OSBPL10: variants seen among roughly 807,000 people sequenced by gnomAD.
OSBPL10 encodes oxysterol-binding protein-related protein 10.
In OSBPL10, 49 loss-of-function variants were observed where a neutral mutation model predicts 81.7. That is an observed-to-expected ratio of 0.60 (90% confidence interval 0.48 to 0.76). OSBPL10 has a LOEUF of 0.76. Ranked by LOEUF, OSBPL10 falls within the 30% of genes least tolerant of loss-of-function variation. The pLI is 0.00. For missense variants in OSBPL10, 923 were observed against 987.8 expected, an observed-to-expected ratio of 0.93 and a Z score of 0.88; for synonymous variants, 419 against 383.6, an observed-to-expected ratio of 1.09 and a Z score of -1.08.
chr3:31,845,596 C>A (rs886291022), intron 3 of OSBPL10, among the ~76,000 whole-genome samples: 9 of 152,152 alleles, frequency 5.9e-5, no homozygotes, highest in Non-Finnish European at 1.2e-4. Flanking sequence ...GTTTATTACA[C>A]ACAGAGCAGA....
At chr3:31,811,714 T>G (rs766770704) in intron 4 of OSBPL10, among the ~76,000 whole-genome samples, 1 of 151,928 alleles carries the variant, frequency 6.6e-6, no homozygotes, top group African/African-American at 2.4e-5. Context: ...AAAAAGAATA[T>G]GCATATATAG....
At chr3:31,829,919 G>A (rs1700194672) in intron 4 of OSBPL10, 121 bp downstream of exon 4, 3 of 1,000,202 alleles carry the variant, frequency 3.0e-6, no homozygotes, top group Non-Finnish European at 4.2e-6. Flanking sequence ...TGGCTGGGAG[G>A]TTTGCTGCTG....
At chr3:31,809,225 C>T (rs963496921) in intron 4 of OSBPL10, among the ~76,000 whole-genome samples, 11 of 152,110 alleles carry the variant, frequency 7.2e-5, no homozygotes, top group African/African-American at 2.7e-4. Flanking sequence ...CTACAACAAA[C>T]AATAAAAGAA....
At chr3:31,856,752 A>AT (rs1393855908) in intron 3 of OSBPL10, among the ~76,000 whole-genome samples, 1 of 152,206 alleles carries the variant, frequency 6.6e-6, no homozygotes, top group Non-Finnish European at 1.5e-5. Context: ...TACGAGTTGA[A>AT]TGTAAGATAC....
chr3:32,033,459 A>C (rs1187141844), intron 2 of OSBPL10, among the ~76,000 whole-genome samples: 3 of 152,216 alleles, frequency 2.0e-5, no homozygotes, highest in African/African-American at 7.2e-5. Flanking sequence ...ATGCAGAGAA[A>C]TATCTCCTTT....
chr3:31,983,422 C>T (rs1160746622), upstream of OSBPL10, among the ~76,000 whole-genome samples: 5 of 152,166 alleles, frequency 3.3e-5, no homozygotes, highest in African/African-American at 4.8e-5. Flanking sequence ...AATGAGCTAG[C>T]ACAACAAATT....
At chr3:31,874,902 C>T (rs1167471069) in intron 3 of OSBPL10, among the ~76,000 whole-genome samples, 3 of 152,020 alleles carry the variant, frequency 2.0e-5, no homozygotes, top group Admixed American at 6.6e-5. Context: ...TGCACAAAGA[C>T]GTCACACATT....
intron 5 of OSBPL10, among the ~76,000 whole-genome samples, chr3:31,742,540 T>C (rs1697385931): frequency 1.3e-5 from 2 of 152,248 alleles, no homozygotes. Flanking sequence ...TCTGCCAAGG[T>C]GCCATTGTCA....
At chr3:31,950,382 A>C (rs909208109) in intron 1 of OSBPL10, among the ~76,000 whole-genome samples, 1 of 152,242 alleles carries the variant, frequency 6.6e-6, no homozygotes, top group Non-Finnish European at 1.5e-5. Flanking sequence ...TGATAATCAG[A>C]GATACACAAA....
intron 2 of OSBPL10, among the ~76,000 whole-genome samples, chr3:32,045,128 G>A (rs186891547): frequency 1.2e-3 from 180 of 152,286 alleles, no homozygotes; most frequent in African/African-American, 4.2e-3. Context: ...TGGCATAGTG[G>A]GTGGGGCCAT....
At chr3:31,971,148 T>C (rs1424035737) in intron 1 of OSBPL10, among the ~76,000 whole-genome samples, 9 of 147,450 alleles carry the variant, frequency 6.1e-5, no homozygotes, top group African/African-American at 2.0e-4. Context: ...TCTTTTTTTT[T>C]TTTTTTTTTT....
rs1380099717 is a variant in OSBPL10, at chr3:31,688,281, T to TCACACACA, written c.1246-4168_1246-4167insTGTGTGTG. On this transcript the variant is annotated intron_variant, in intron 7 of 11. Coordinates refer to ENST00000396556, the MANE Select transcript of OSBPL10 (RefSeq NM_017784.5). ...CCCTGCACAAATCTCTCTCTCTCTC[T>TCACACACA]CTCACACACACACACACACACACAC... Among the ~76,000 whole-genome samples the TCACACACA allele has an allele frequency of 4.8e-3, 545 of 113,940 alleles. 2 individuals carry two copies. Among genetic ancestry groups the TCACACACA allele is most frequent in the Middle Eastern group, 0.022 (5 of 230 alleles). The allele number at this position is 113,940 out of a possible 152,430, so 74.7% of individuals were successfully genotyped here.
At chr3:31,782,754 C>A (rs1256710064) in intron 4 of OSBPL10, among the ~76,000 whole-genome samples, 6 of 152,088 alleles carry the variant, frequency 3.9e-5, no homozygotes. Flanking sequence ...CCTTATTCTG[C>A]AAGAATGGCC....
intron 5 of OSBPL10, among the ~76,000 whole-genome samples, chr3:31,743,134 G>A (rs1338866993): frequency 6.8e-6 from 1 of 148,016 alleles, no homozygotes; most frequent in Non-Finnish European, 1.5e-5. Context: ...TCCACCTCCA[G>A]GGTTCAAGCG....
chr3:31,898,951 C>CTTTT (rs201574850), intron 1 of OSBPL10, among the ~76,000 whole-genome samples: 18 of 87,346 alleles, frequency 2.1e-4, no homozygotes, highest in Non-Finnish European at 2.9e-4. Flanking sequence ...AACTTTAAAC[C>CTTTT]TTTTTTTTTT....
intron 2 of OSBPL10, among the ~76,000 whole-genome samples, chr3:32,040,659 G>A (rs562579346): frequency 6.6e-6 from 1 of 150,988 alleles, no homozygotes. Flanking sequence ...AGCATAGAGA[G>A]ACCCTGTCTC....
intron 7 of OSBPL10, among the ~76,000 whole-genome samples, chr3:31,694,506 T>C (rs1270629144): frequency 1.3e-5 from 2 of 152,092 alleles, no homozygotes; most frequent in Non-Finnish European, 2.9e-5. Context: ...TCAGTGAACA[T>C]TGCTGATTTT....
chr3:31,871,853 CCT>C (rs1198734424), intron 3 of OSBPL10, among the ~76,000 whole-genome samples: 1 of 152,002 alleles, frequency 6.6e-6, no homozygotes, highest in East Asian at 1.9e-4. Flanking sequence ...AGAATGAGAC[CCT>C]GTCTCAAAAC....
chr3:32,020,732 AC>A lies in OSBPL10; in HGVS notation n.298+25758del, dbSNP rs199820784. 7.7e-3 allele frequency among the ~76,000 whole-genome samples: 1,178 copies of A among 152,122 alleles called. 13 individuals carry two copies. Among genetic ancestry groups the A allele is most frequent in the African/African-American group, 0.027 (1,139 of 41,528 alleles). ...CTCCAGGAGAAAAAAAAAAAAGAAG[AC>A]CTGGGATTTTATAGAAGCGGGTAAG... On this transcript the variant is annotated intron_variant and non_coding_transcript_variant, in intron 2 of 3. Coordinates refer to the OSBPL10 transcript ENST00000479173.
Sources: allele counts gnomAD v4.1 joint callset (sites outside exome capture counted in the v4.1 genomes callset), GRCh38; gene constraint gnomAD v4.1.1; transcripts MANE v1.5; gene names NCBI Gene and HGNC (gene_info 2026-07-23, HGNC 2026-07-21).